The following AUTS2 variants were observed in gnomAD, a reference collection of about 807,000 sequenced individuals.
The protein encoded by AUTS2 is autism susceptibility gene 2 protein.
In AUTS2, 17 loss-of-function variants were observed where a neutral mutation model predicts 112.4. The observed-to-expected ratio is 0.15, with a 90% CI of 0.10 to 0.23. AUTS2 has a LOEUF of 0.23. AUTS2 is among the 10% of genes least tolerant of loss of function. The pLI, the probability that AUTS2 is intolerant of heterozygous loss-of-function variation, is 1.00. For synonymous variants in AUTS2, 751 were observed against 702.7 expected (o/e 1.07, Z -1.09); for missense variants, 1,510 against 1,701.6 (o/e 0.89, Z 1.98).
intron 5 of AUTS2, among the ~76,000 whole-genome samples, chr7:70,562,954 A>G (rs1007687406): frequency 6.6e-6 from 1 of 152,216 alleles, no homozygotes; most frequent in African/African-American, 2.4e-5. Flanking sequence ...GACTTTTTGC[A>G]ACGCAGGATT....
intron 1 of AUTS2, among the ~76,000 whole-genome samples, chr7:69,626,134 G>T (rs1046154385): frequency 6.6e-6 from 1 of 152,142 alleles, no homozygotes; most frequent in Non-Finnish European, 1.5e-5. Context: ...CCTTGTAGCT[G>T]CATGGATGGC....
intron 1 of AUTS2, among the ~76,000 whole-genome samples, chr7:69,837,230 G>A (rs1562918289): frequency 6.6e-6 from 1 of 152,104 alleles, no homozygotes; most frequent in Non-Finnish European, 1.5e-5. Flanking sequence ...TAGATAGTTA[G>A]GCAGTCCTGG....
chr7:69,684,445 G>A (rs758262203), intron 1 of AUTS2, among the ~76,000 whole-genome samples: 8 of 152,092 alleles, frequency 5.3e-5, no homozygotes, highest in Admixed American at 4.6e-4. Context: ...CCCTGTTGCC[G>A]TTTATGTTTT....
At chr7:70,314,084 T>A (rs1474766771) in intron 4 of AUTS2, among the ~76,000 whole-genome samples, 1 of 152,218 alleles carries the variant, frequency 6.6e-6, no homozygotes, top group South Asian at 2.1e-4. Flanking sequence ...GTTAAAATGA[T>A]AAGTGCAGAG....
chr7:70,778,256 A>G (rs918976241), intron 14 of AUTS2, among the ~76,000 whole-genome samples: 16 of 152,190 alleles, frequency 1.1e-4, no homozygotes, highest in Admixed American at 5.2e-4. Context: ...TTTATAGGCT[A>G]TGTTACGATG....
rs188546438 is a variant in AUTS2 at position 70,007,873 on chromosome 7, C to T, written c.522+108375C>T. ...TTTTCAGTCATGAGAGTACTTACTG[C>T]GCTCTCACCATCTTCACATATCATC... On this transcript the variant is annotated intron_variant, in intron 2 of 18. Coordinates refer to ENST00000342771, the MANE Select transcript of AUTS2 (RefSeq NM_015570.4). Among the ~76,000 whole-genome samples the T allele has an allele frequency of 6.3e-3, 966 of 152,224 alleles. 12 individuals are homozygous for T. Among genetic ancestry groups the T allele is most frequent in the African/African-American group, 0.022 (906 of 41,542 alleles).
At chr7:70,659,138 G>T (rs1472653139) in intron 5 of AUTS2, among the ~76,000 whole-genome samples, 1 of 152,136 alleles carries the variant, frequency 6.6e-6, no homozygotes, top group Non-Finnish European at 1.5e-5. Flanking sequence ...TTCTCAGGGG[G>T]GACAAGGAGC....
intron 3 of AUTS2, among the ~76,000 whole-genome samples, chr7:70,123,361 T>C (rs566576842): frequency 6.6e-6 from 1 of 152,318 alleles, no homozygotes; most frequent in East Asian, 1.9e-4. Context: ...GTAATATAGG[T>C]AAACTCATGT....
chr7:70,067,113 C>T (rs764219149), intron 2 of AUTS2, among the ~76,000 whole-genome samples: 6 of 151,966 alleles, frequency 3.9e-5, no homozygotes, highest in Non-Finnish European at 4.4e-5. Flanking sequence ...GAAAAAGAGG[C>T]GAAAAGTACA....
chr7:70,552,714 T>C (rs1003622440), intron 5 of AUTS2, among the ~76,000 whole-genome samples: 18 of 152,332 alleles, frequency 1.2e-4, no homozygotes, highest in Middle Eastern at 6.8e-3. Flanking sequence ...AGTTACATTT[T>C]TCCAGACAGA....
At chr7:69,671,258 G>A (rs866456354) in intron 1 of AUTS2, among the ~76,000 whole-genome samples, 15 of 152,276 alleles carry the variant, frequency 9.9e-5, no homozygotes, top group South Asian at 6.2e-4. Context: ...TTAAGTGACT[G>A]TCCTGGTTCC....
chr7:70,119,491 A>C (rs1312854137), intron 3 of AUTS2: 2 of 152,098 alleles, frequency 1.3e-5, no homozygotes, highest in African/African-American at 2.4e-5. Context: ...CAGCCTCCTG[A>C]GTAGCCTGGA....
At chr7:70,275,678 T>C (rs1043157352) in intron 4 of AUTS2, among the ~76,000 whole-genome samples, 2 of 152,150 alleles carry the variant, frequency 1.3e-5, no homozygotes, top group African/African-American at 2.4e-5. Flanking sequence ...GTGGAGAGAA[T>C]TGAATCATGG....
chr7:70,586,406 AAAG>A (rs1277637619), intron 5 of AUTS2, among the ~76,000 whole-genome samples: 1 of 144,470 alleles, frequency 6.9e-6, no homozygotes, highest in African/African-American at 2.5e-5. Context: ...CATAATTTAA[AAAG>A]AAGCAAGCAG....
At chr7:70,463,568 A>C (rs1797056347) in intron 5 of AUTS2, among the ~76,000 whole-genome samples, 1 of 152,344 alleles carries the variant, frequency 6.6e-6, no homozygotes, top group Admixed American at 6.5e-5. Flanking sequence ...GATGGCTGAT[A>C]AGCTTGGGAG....
At chr7:70,658,133 A>G (rs938930914) in intron 5 of AUTS2, among the ~76,000 whole-genome samples, 4 of 152,206 alleles carry the variant, frequency 2.6e-5, no homozygotes, top group Non-Finnish European at 5.9e-5. Flanking sequence ...GGCCTCAACT[A>G]TCCTGGACAG....
chr7:70,124,504 T>C (rs1805855030), intron 3 of AUTS2, among the ~76,000 whole-genome samples: 1 of 152,188 alleles, frequency 6.6e-6, no homozygotes, highest in Non-Finnish European at 1.5e-5. Flanking sequence ...ACACTTGTCT[T>C]TAATCCATCT....
intron 5 of AUTS2, among the ~76,000 whole-genome samples, chr7:70,587,499 G>A (rs1170914074): frequency 1.3e-5 from 2 of 152,228 alleles, no homozygotes; most frequent in Non-Finnish European, 2.9e-5. Context: ...TTGGCAACTA[G>A]GTGACTGATC....
At chr7:70,535,661 C>T (rs527369847) in intron 5 of AUTS2, among the ~76,000 whole-genome samples, 2 of 152,216 alleles carry the variant, frequency 1.3e-5, no homozygotes, top group South Asian at 2.1e-4. Context: ...GTGATCCACC[C>T]GCCTCAGCTT....
Sources: gnomAD v4.1 joint callset for allele counts (sites outside exome capture counted in the v4.1 genomes callset) on GRCh38, gnomAD v4.1.1 for gene constraint, MANE v1.5 for transcripts, NCBI Gene and HGNC (gene_info 2026-07-23, HGNC 2026-07-21) for gene names.